DNMBP: variants seen among roughly 807,000 people sequenced by gnomAD.
DNMBP encodes dynamin binding protein.
Under a neutral mutation model 150.0 loss-of-function variants are expected in DNMBP, and 87 were observed. That is an observed-to-expected ratio of 0.58 (90% confidence interval 0.49 to 0.69). The LOEUF (loss-of-function observed/expected upper bound fraction) is 0.69, where lower values mean the gene tolerates loss of function less well. Ranked by LOEUF, DNMBP falls within the 30% of genes least tolerant of loss-of-function variation. The pLI is 0.00. For missense variants in DNMBP, 1,774 were observed against 1,949.0 expected (o/e 0.91, Z 1.69); for synonymous variants, 711 against 750.4 (o/e 0.95, Z 0.86).
chr10:99,993,333 G>C (rs897567393), intron 1 of DNMBP, among the ~76,000 whole-genome samples: 10 of 152,114 alleles, frequency 6.6e-5, no homozygotes, highest in Non-Finnish European at 1.2e-4. Context: ...GTTTCTTTTG[G>C]GGGTAATGAA....
Position 99,920,628 on chromosome 10 carries a change from T to C in DNMBP, c.2261-11482A>G, listed in dbSNP as rs183190681. ...CAACCTTTCTGGGCTGTTGCTTCTGTGTGTGTAACAAAGGGGTTGGGCCTG... is the reference window on the plus strand; with the variant it reads ...CAACCTTTCTGGGCTGTTGCTTCTGCGTGTGTAACAAAGGGGTTGGGCCTG... On this transcript the variant is annotated intron_variant, in intron 4 of 16. Coordinates refer to ENST00000324109, the MANE Select transcript of DNMBP (RefSeq NM_015221.4). 4.6e-5 allele frequency among the ~76,000 whole-genome samples: 7 copies of C among 152,274 alleles called. No homozygotes were observed. The East Asian group carries it at 1.4e-3, about 29-fold the overall frequency.
chr10:99,914,399 C>G (rs917320397), intron 4 of DNMBP, among the ~76,000 whole-genome samples: 1 of 152,170 alleles, frequency 6.6e-6, no homozygotes, highest in African/African-American at 2.4e-5. Flanking sequence ...AAGGCCCAGC[C>G]ATCTCTTGTG....
chr10:99,935,717 C>G (rs1482021126), intron 4 of DNMBP, among the ~76,000 whole-genome samples: 6 of 152,144 alleles, frequency 3.9e-5, no homozygotes, highest in Admixed American at 6.5e-5. Context: ...GGCATACACC[C>G]TGCCGCCCGG....
chr10:99,945,558 A>G (rs933176848), intron 4 of DNMBP, among the ~76,000 whole-genome samples: 1 of 152,244 alleles, frequency 6.6e-6, no homozygotes, highest in Admixed American at 6.5e-5. Flanking sequence ...CAGATCTTAT[A>G]AGGGTAGTCT....
chr10:99,930,901 T>A (rs950176046), intron 4 of DNMBP: 3 of 558,068 alleles, frequency 5.4e-6, no homozygotes, highest in Non-Finnish European at 9.4e-6. Flanking sequence ...ACTCTTCTCG[T>A]TGCTCTAGTC....
chr10:99,894,068 C>T (rs546000562), intron 11 of DNMBP, among the ~76,000 whole-genome samples: 84 of 152,106 alleles, frequency 5.5e-4, no homozygotes, highest in Admixed American at 1.2e-3. Flanking sequence ...CCCAGCACTT[C>T]GGGAGGCCAG....
At chr10:99,983,331 C>T (rs1048138196) in intron 1 of DNMBP, among the ~76,000 whole-genome samples, 3 of 152,158 alleles carry the variant, frequency 2.0e-5, no homozygotes, top group African/African-American at 7.2e-5. Flanking sequence ...CAAGACAACA[C>T]GAAGGCTAAA....
chr10:100,005,528 C>A (rs773424645), intron 1 of DNMBP, among the ~76,000 whole-genome samples: 4 of 151,994 alleles, frequency 2.6e-5, no homozygotes, highest in Non-Finnish European at 5.9e-5. Flanking sequence ...CCAAGGCAGG[C>A]GGATCACCTG....
At chr10:99,976,103 C>G (rs2040725285) in intron 1 of DNMBP, among the ~76,000 whole-genome samples, 1 of 152,178 alleles carries the variant, frequency 6.6e-6, no homozygotes, top group Admixed American at 6.5e-5. Flanking sequence ...TGTGAAAGCA[C>G]CTAGGTCAGG....
intron 1 of DNMBP, among the ~76,000 whole-genome samples, chr10:99,981,262 A>T (rs2040777567): frequency 6.6e-6 from 1 of 152,134 alleles, no homozygotes; most frequent in African/African-American, 2.4e-5. Flanking sequence ...GCTCACTGCA[A>T]CCTTCACCTC....
At chr10:99,966,500 C>T (rs1274694126) in intron 3 of DNMBP, among the ~76,000 whole-genome samples, 1 of 152,156 alleles carries the variant, frequency 6.6e-6, no homozygotes, top group Non-Finnish European at 1.5e-5. Flanking sequence ...TGGCATGCTT[C>T]CTAAGAAAAG....
Position 99,908,915 on chromosome 10 carries a change from T to C in DNMBP, c.2454+38A>G, listed in dbSNP as rs759554375. On this transcript the variant is annotated intron_variant, in intron 5 of 16. Transcript: ENST00000324109. ...CTAATGCTTCTGGCCTGGAGGACCA[T>C]ATTCAAGGTCAAACTAACTCTGTCT... 5 of 1,578,830 alleles carry C rather than the reference T, an allele frequency of 3.2e-6. No homozygotes were observed. In the South Asian group the frequency reaches 4.6e-5, roughly 15 times the overall value.
chr10:99,908,685 CT>C (rs1224091019), intron 5 of DNMBP, among the ~76,000 whole-genome samples: 2 of 152,200 alleles, frequency 1.3e-5, no homozygotes, highest in Non-Finnish European at 2.9e-5. Context: ...CTCCCTGGAA[CT>C]GCTTTCAGGA....
At chr10:99,925,112 C>T (rs930409113) in intron 4 of DNMBP, among the ~76,000 whole-genome samples, 1 of 152,164 alleles carries the variant, frequency 6.6e-6, no homozygotes, top group Non-Finnish European at 1.5e-5. Context: ...TGGCAGCCTC[C>T]CTCTGACTTT....
rs78805743 is a variant in DNMBP, at chr10:99,988,047, C to T, written c.-10-15913G>A. Among the ~76,000 whole-genome samples, 54 of 151,738 alleles carry T rather than the reference C, an allele frequency of 3.6e-4. No homozygotes were observed. The East Asian group carries it at 9.8e-3, about 28-fold the overall frequency. On this transcript the variant is annotated intron_variant, in intron 1 of 16. Coordinates refer to ENST00000324109, the MANE Select transcript of DNMBP (RefSeq NM_015221.4). ...GCGGGGGAAATAGTTCACAACTTCA[C>T]ACCAGTTCTGCAGTGTTTCATTTTG...
At position 100,006,076 on chromosome 10, in the gene DNMBP, G is replaced by A. The variant is rs78451621; in HGVS notation, c.-11+3762C>T. ...TTTCCAAACAACAAAAGCTACTCTG[G>A]TTGCCAGTTCTGTTGATGAGTAACA... On this transcript the variant is annotated intron_variant, in intron 1 of 16. Coordinates refer to ENST00000324109, the MANE Select transcript of DNMBP (RefSeq NM_015221.4). Among the ~76,000 whole-genome samples, 673 of 152,252 alleles carry A rather than the reference G, an allele frequency of 4.4e-3. 7 individuals are homozygous for A. The highest frequency in any genetic ancestry group is 0.016 in the African/African-American group (650 of 41,538).
Position 99,955,960 on chromosome 10 carries a change from T to C in DNMBP, c.1514A>G (p.Tyr505Cys). ...ACTGGACGTGTGGTGCTTTTTAGTA[T>C]AACTTGCTAGGTTGTGGAGCTGAGG... is the stretch of plus-strand genomic sequence containing the variant. The part of the protein sequence containing the change: ...SSPQLHNLAS[Y>C]TKKHHTSSVY... Residue 505 changes from tyrosine (Y) to cysteine (C), a missense_variant, in exon 4 of 17, where the codon TAT becomes TGT. Tyr to Cys is a radical substitution (Grantham distance 194, BLOSUM62 -2). This residue lies in a region of DNMBP where 1,430 missense variants were observed against 1,492.5 expected (regional missense o/e 0.96). Transcript: ENST00000324109. The C allele has an allele frequency of 1.2e-6, 2 of 1,614,194 alleles. No homozygotes were observed. Among genetic ancestry groups the C allele is most frequent in the Non-Finnish European group, 8.5e-7 (1 of 1,180,026 alleles).
chr10:99,964,268 C>T (rs551401086), intron 3 of DNMBP, among the ~76,000 whole-genome samples: 3 of 151,080 alleles, frequency 2.0e-5, no homozygotes, highest in African/African-American at 4.9e-5. Context: ...CTCAGCCTCC[C>T]GAGGAGCTGG....
chr10:99,877,553 T>C (rs941497586), intron 16 of DNMBP, among the ~76,000 whole-genome samples: 14 of 152,044 alleles, frequency 9.2e-5, no homozygotes, highest in Admixed American at 6.6e-4. Context: ...GCTACCATAA[T>C]AGGGATGATT....
Sources: allele counts gnomAD v4.1 joint callset (sites outside exome capture counted in the v4.1 genomes callset), GRCh38; gene constraint gnomAD v4.1.1; regional missense constraint gnomAD v4.1.1; transcripts MANE v1.5; gene names NCBI Gene and HGNC (gene_info 2026-07-23, HGNC 2026-07-21).